SLC25A26: variants seen among roughly 807,000 people sequenced by gnomAD.
SLC25A26 encodes mitochondrial S-adenosylmethionine carrier protein.
SLC25A26 carries 36 observed loss-of-function variants against 37.8 expected under a neutral mutation model. That is an observed-to-expected ratio of 0.95 (90% CI 0.73 to 1.26). SLC25A26 has a LOEUF of 1.26. Ranked by LOEUF, SLC25A26 falls within the 50% of genes most tolerant of loss-of-function variation. The pLI is 0.00. For synonymous variants in SLC25A26, 129 were observed against 122.5 expected, an observed-to-expected ratio of 1.05 and a Z score of -0.35; for missense variants, 390 against 331.1, an observed-to-expected ratio of 1.18 and a Z score of -1.38.
chr3:66,196,804 C>T (rs1390917419), intron 1 of SLC25A26, among the ~76,000 whole-genome samples: 1 of 152,018 alleles, frequency 6.6e-6, no homozygotes, highest in Admixed American at 6.5e-5. Context: ...ATTAATCAGC[C>T]TTTTCTTTCT....
intron 2 of SLC25A26, among the ~76,000 whole-genome samples, chr3:66,241,402 C>T (rs74200970): frequency 0.15 from 23,111 of 152,136 alleles, 1,886 homozygotes; most frequent in Non-Finnish European, 0.18. Flanking sequence ...GGTGTCTCTA[C>T]ACTCATTCTT....
chr3:66,329,659 AAC>A (rs2075923020), intron 5 of SLC25A26, among the ~76,000 whole-genome samples: 1 of 152,218 alleles, frequency 6.6e-6, no homozygotes, highest in Non-Finnish European at 1.5e-5. Flanking sequence ...GAAAGGCACT[AAC>A]AGACACGAAA....
intron 5 of SLC25A26, among the ~76,000 whole-genome samples, chr3:66,274,240 A>G (rs550003706): frequency 6.6e-6 from 1 of 152,208 alleles, no homozygotes; most frequent in South Asian, 2.1e-4. Context: ...ACCTTATACA[A>G]AAATTAATTC....
intron 9 of SLC25A26, among the ~76,000 whole-genome samples, chr3:66,373,426 G>A (rs886614125): frequency 2.6e-5 from 4 of 152,204 alleles, no homozygotes; most frequent in Non-Finnish European, 5.9e-5. Flanking sequence ...TGTCTTGCCA[G>A]GAGCAGCTGA....
chr3:66,215,890 T>A (rs1044029421), intron 1 of SLC25A26, among the ~76,000 whole-genome samples: 1 of 152,198 alleles, frequency 6.6e-6, no homozygotes, highest in Non-Finnish European at 1.5e-5. Flanking sequence ...AGAACAGAAA[T>A]GTATTGCTCA....
chr3:66,134,167 A>C (rs1323550074), intron 1 of SLC25A26, among the ~76,000 whole-genome samples: 1 of 152,200 alleles, frequency 6.6e-6, no homozygotes, highest in East Asian at 1.9e-4. Context: ...GGTCTTTTTT[A>C]TCTCTTTCCA....
At chr3:66,363,075 TAGAG>T (rs2076748783) in intron 7 of SLC25A26, 146 bp downstream of exon 7, 5 of 394,324 alleles carry the variant, frequency 1.3e-5, no homozygotes, top group Non-Finnish European at 2.2e-5. Context: ...GAACGTGTCT[TAGAG>T]GGGAAAAAAA....
rs544314994 is a variant in SLC25A26, at chr3:66,312,105, C to T, written c.454-34259C>T. On this transcript the variant is annotated intron_variant, in intron 5 of 9. Transcript: ENST00000354883. ...AGCTGTGCCCACAGCTGCCTGTTCC[C>T]CCAGGTGCCCTGTCTTATGGAGATG... Among the ~76,000 whole-genome samples, 5 of 152,322 alleles carry T rather than the reference C, an allele frequency of 3.3e-5. No homozygotes were observed. The South Asian group carries it at 1.0e-3, about 32-fold the overall frequency.
chr3:66,353,072 C>G (rs933877519), intron 6 of SLC25A26, among the ~76,000 whole-genome samples: 1 of 152,236 alleles, frequency 6.6e-6, no homozygotes, highest in South Asian at 2.1e-4. Flanking sequence ...CTGTCTTCTT[C>G]ACACCACAGA....
chr3:66,292,692 G>A (rs761397666), intron 5 of SLC25A26, among the ~76,000 whole-genome samples: 8 of 152,174 alleles, frequency 5.3e-5, no homozygotes, highest in South Asian at 2.1e-4. Context: ...CCCTTTGTGG[G>A]TAACCCGACC....
chr3:66,250,564 G>C (rs1444807432), intron 3 of SLC25A26, among the ~76,000 whole-genome samples: 2 of 152,170 alleles, frequency 1.3e-5, no homozygotes, highest in African/African-American at 4.8e-5. Flanking sequence ...CAGCTGTGCT[G>C]GTGTAAGTAT....
At chr3:66,312,157 G>A (rs2075397498) in intron 5 of SLC25A26, among the ~76,000 whole-genome samples, 1 of 152,192 alleles carries the variant, frequency 6.6e-6, no homozygotes, top group South Asian at 2.1e-4. Flanking sequence ...GCACCTGACT[G>A]GGGCTGCTGC....
At chr3:66,154,540 CTTTTTTTTTTT>C (rs60639995) in intron 1 of SLC25A26, among the ~76,000 whole-genome samples, 1 of 130,404 alleles carries the variant, frequency 7.7e-6, no homozygotes, top group African/African-American at 2.9e-5. Flanking sequence ...TTCTTTTTTT[CTTTTTTTTTTT>C]TTTTTTTGGT....
At chr3:66,283,100 G>A (rs1046407652) in intron 5 of SLC25A26, among the ~76,000 whole-genome samples, 1 of 152,094 alleles carries the variant, frequency 6.6e-6, no homozygotes, top group Non-Finnish European at 1.5e-5. Flanking sequence ...TTTATCCTTT[G>A]ATCTATTGAA....
intron 3 of SLC25A26, among the ~76,000 whole-genome samples, chr3:66,248,297 A>G (rs1678100): frequency 0.15 from 22,756 of 152,230 alleles, 2,251 homozygotes; most frequent in Non-Finnish European, 0.23. Flanking sequence ...ACATGTAACA[A>G]TAGCAAGAGG....
chr3:66,205,515 A>G (rs908080892), intron 1 of SLC25A26, among the ~76,000 whole-genome samples: 2 of 152,198 alleles, frequency 1.3e-5, no homozygotes, highest in African/African-American at 4.8e-5. Flanking sequence ...TCTTGTGTCT[A>G]CCCGCACTCA....
chr3:66,322,043 A>G (rs1321849249), intron 5 of SLC25A26, among the ~76,000 whole-genome samples: 1 of 152,098 alleles, frequency 6.6e-6, no homozygotes. Context: ...CTGCCTCTCA[A>G]CACTGCCACA....
chr3:66,189,442 T>G (rs2070893749), intron 1 of SLC25A26, among the ~76,000 whole-genome samples: 1 of 152,026 alleles, frequency 6.6e-6, no homozygotes, highest in Admixed American at 6.6e-5. Flanking sequence ...GCTTAACCTC[T>G]CCCTGTCTGT....
At chr3:66,307,059 C>T (rs914945498) in intron 5 of SLC25A26, among the ~76,000 whole-genome samples, 5 of 152,164 alleles carry the variant, frequency 3.3e-5, no homozygotes, top group Non-Finnish European at 7.3e-5. Flanking sequence ...ATTTCTGGTT[C>T]TAGTTCCTTG....
Sources: gnomAD v4.1 joint callset for allele counts (sites outside exome capture counted in the v4.1 genomes callset) on GRCh38, gnomAD v4.1.1 for gene constraint, MANE v1.5 for transcripts, NCBI Gene and HGNC (gene_info 2026-07-23, HGNC 2026-07-21) for gene names.